Variants in ELN observed in about 807,000 individuals in gnomAD.
The protein encoded by ELN is tropoelastin.
Under a neutral mutation model 105.8 loss-of-function variants are expected in ELN, and 65 were observed. The ratio of observed to expected loss-of-function variants is 0.61; its 90% CI spans 0.50 to 0.75. ELN has a LOEUF of 0.75. Among genes scored for constraint, ELN ranks in the 30% least tolerant of loss-of-function variants. The probability of loss-of-function intolerance (pLI) is 0.00; values close to 1 mark genes in which losing one functional copy is unlikely to be tolerated. For missense variants in ELN, 882 were observed against 969.4 expected (o/e 0.91, Z 1.20); for synonymous variants, 368 against 389.2 (o/e 0.95, Z 0.64).
Position 74,046,028 on chromosome 7 carries a change from T to C in ELN, c.542-160T>C, listed in dbSNP as rs868914135. On this transcript the variant is annotated intron_variant, in intron 10 of 32. Coordinates refer to ENST00000252034, the MANE Select transcript of ELN (RefSeq NM_000501.4). ...CCAGCCTGGGCGACAAGAGCGAAAC[T>C]CCATCTCCGAAAAAAGAAACCCCAG... The C allele has an allele frequency of 6.3e-5, 61 of 973,688 alleles. 3 individuals are homozygous for C. In the Middle Eastern group the frequency reaches 0.01, roughly 163 times the overall value. 60.3% of individuals were successfully genotyped at this position (973,688 alleles called of 1,614,324 possible).
At chr7:74,054,651 G>A in intron 18 of ELN, 65 bp from the exon 19 acceptor site, 1 of 1,522,204 alleles carries the variant, frequency 6.6e-7, no homozygotes, top group Admixed American at 1.7e-5. Context: ...TAGACAGAGG[G>A]ATACATACTA....
Position 74,065,964 on chromosome 7 carries a change from G to A in ELN, c.2053G>A (p.Val685Ile), listed in dbSNP as rs781826902. The change falls in exon 31 of 33, where the codon GTC becomes ATC. Residue 685 changes from valine to isoleucine, a missense_variant. Transcript: ENST00000252034. ...AKYGAAGLGG[V>I]LGGAGQFPLG... ...CTCAGGTGCTGCTGGCCTTGGAGGT[G>A]TCCTAGGGGGTGCCGGGCAGTTCCC... 6.2e-7 allele frequency: 1 copy of A among 1,614,074 alleles called. No individual in the cohort carries two copies.
Position 74,060,418 on chromosome 7 carries a change from T to G in ELN, c.1664T>G (p.Val555Gly). Residue 555 changes from valine to glycine, a missense_variant, in exon 25 of 33, where the codon GTT becomes GGT. Coordinates refer to ENST00000252034, the MANE Select transcript of ELN (RefSeq NM_000501.4). ...GLGAGIPGLG[V>G]GVGVPGLGVG... is the part of the protein sequence containing the mutation. The stretch of plus-strand genomic sequence containing the variant: ...GGTGCTGGCATCCCTGGACTTGGAG[T>G]TGGTGTCGGCGTCCCTGGACTTGGA... 1 of 1,613,878 alleles carries G rather than the reference T, an allele frequency of 6.2e-7. No individual in the cohort carries two copies. Among genetic ancestry groups the G allele is most frequent in the East Asian group, 2.2e-5 (1 of 44,834 alleles).
At position 74,038,165 on chromosome 7, in the gene ELN, G is replaced by C. The variant is rs1211989934; in HGVS notation, c.196+426G>C. Reference sequence around the variant, plus strand: ...CAGACTTCCCCTGAGTGGTCCCCTAGCCCTTGACCCCAGACCAATACCCCA... The same window carrying C: ...CAGACTTCCCCTGAGTGGTCCCCTACCCCTTGACCCCAGACCAATACCCCA... On this transcript the variant is annotated intron_variant, in intron 4 of 32. Transcript: ENST00000252034. 4 of 310,252 alleles carry C rather than the reference G, an allele frequency of 1.3e-5. No individual in the cohort carries two copies. In the Admixed American group the frequency reaches 1.7e-4, roughly 13 times the overall value. The allele number at this position is 310,252 out of a possible 1,614,324, so 19.2% of individuals were successfully genotyped here.
At chr7:74,048,364 C>T (rs970722635) in intron 14 of ELN, 139 bp from the exon 15 acceptor site, 29 of 1,494,312 alleles carry the variant, frequency 1.9e-5, no homozygotes, top group Non-Finnish European at 2.6e-5. Flanking sequence ...GGGGCAGCTC[C>T]ATCAGCCTCT....
Position 74,037,712 on chromosome 7 carries a change from G to C in ELN, c.169G>C (p.Gly57Arg). ...ATCTTCTCTTCCCTCTGCAGCGCTG[G>C]GGCCTGGAGGCAAACCTCTTAAGCC... is the stretch of plus-strand genomic sequence containing the variant. ...GLGALGGGAL[G>R]PGGKPLKPVP... The change falls in exon 4 of 33, where the codon GGG (glycine) becomes CGG (arginine). Residue 57 changes from glycine (G) to arginine (R), a missense_variant. By Grantham distance (125) the Gly-to-Arg change is moderately radical. Coordinates refer to ENST00000252034, the MANE Select transcript of ELN (RefSeq NM_000501.4). The C allele has an allele frequency of 6.2e-7, 1 of 1,612,336 alleles. No homozygotes were observed. Among genetic ancestry groups the C allele is most frequent in the Non-Finnish European group, 8.5e-7 (1 of 1,179,340 alleles).
rs12535378 is a variant in ELN, at chr7:74,061,445, G to A, written c.1786+306G>A. Reference sequence around the variant, plus strand: ...GGTGGGCAGATCAACTGAGGTCGGGGGTTCCAGACCAGCCTGACCAATATG... The same window carrying A: ...GGTGGGCAGATCAACTGAGGTCGGGAGTTCCAGACCAGCCTGACCAATATG... On this transcript the variant is annotated intron_variant, in intron 26 of 32. Coordinates refer to ENST00000252034, the MANE Select transcript of ELN (RefSeq NM_000501.4). Among the ~76,000 whole-genome samples the A allele has an allele frequency of 0.17, 24,750 of 146,088 alleles. 2,341 individuals carry two copies. Among genetic ancestry groups the A allele is most frequent in the African/African-American group, 0.25 (9,783 of 39,746 alleles).
intron 24 of ELN, 39 bp downstream of exon 24, chr7:74,060,223 A>G (rs1554683403): frequency 6.2e-7 from 1 of 1,613,850 alleles, no homozygotes; most frequent in South Asian, 1.1e-5. Context: ...CTCCCCAACG[A>G]TCTCAGAGCT....
chr7:74,058,479 C>T (rs1320246450), intron 22 of ELN, among the ~76,000 whole-genome samples: 2 of 152,080 alleles, frequency 1.3e-5, no homozygotes, highest in Non-Finnish European at 2.9e-5. Flanking sequence ...TTCCGCCCCC[C>T]AAGAGCTGAG....
intron 9 of ELN, among the ~76,000 whole-genome samples, chr7:74,044,537 G>T (rs1385152319): frequency 6.6e-6 from 1 of 152,202 alleles, no homozygotes; most frequent in Non-Finnish European, 1.5e-5. Flanking sequence ...TTTCCCAAAA[G>T]CTGTGAGTCA....
At chr7:74,032,390 C>T (rs890495677) in intron 1 of ELN, among the ~76,000 whole-genome samples, 13 of 149,668 alleles carry the variant, frequency 8.7e-5, no homozygotes, top group Non-Finnish European at 1.3e-4. Flanking sequence ...GCAGGAGAAA[C>T]GGCTTGTGCC....
Position 74,063,138 on chromosome 7 carries a change from C to T in ELN, c.1787-15C>T. ...TTCAGAAATGGAACACTCATTTTCC[C>T]TCCTCTCCCCGCAGGAGCAGCAGTG... On this transcript the variant is annotated splice_polypyrimidine_tract_variant and intron_variant, in intron 26 of 32. Transcript: ENST00000252034. The surrounding 1 kb of genome is among the most constrained non-coding windows in gnomAD (Gnocchi z 4.1). 1 of 1,598,476 alleles carries T rather than the reference C, an allele frequency of 6.3e-7. No homozygotes were observed. Among genetic ancestry groups the T allele is most frequent in the Non-Finnish European group, 8.5e-7 (1 of 1,173,660 alleles).
chr7:74,030,243 T>C (rs985637332), intron 1 of ELN, among the ~76,000 whole-genome samples: 2 of 152,192 alleles, frequency 1.3e-5, no homozygotes, highest in African/African-American at 4.8e-5. Flanking sequence ...AGTCACATGC[T>C]CACTGCCACT....
At chr7:74,037,778 G>A (rs782208197) in intron 4 of ELN, 39 bp downstream of exon 4, 3 of 1,604,264 alleles carry the variant, frequency 1.9e-6, no homozygotes, top group Non-Finnish European at 2.6e-6. Flanking sequence ...AGACAGCGAG[G>A]GAGCTGGGGA....
At chr7:74,041,897 G>A (rs1352655179) in intron 5 of ELN, among the ~76,000 whole-genome samples, 3 of 151,960 alleles carry the variant, frequency 2.0e-5, no homozygotes, top group African/African-American at 4.8e-5. Context: ...GCACCACCAC[G>A]CTCGGCTAAT....
chr7:74,040,476 G>A (rs1315244918), intron 4 of ELN, among the ~76,000 whole-genome samples: 2 of 152,208 alleles, frequency 1.3e-5, no homozygotes, highest in Non-Finnish European at 2.9e-5. Flanking sequence ...AGCCAGGGGG[G>A]ACCTCTCCAG....
At position 74,037,727 on chromosome 7, in the gene ELN, C is replaced by T; in HGVS notation, c.184C>T (p.Pro62Ser). 1 of 1,612,344 alleles carries T rather than the reference C, an allele frequency of 6.2e-7. No individual in the cohort carries two copies. Among genetic ancestry groups the T allele is most frequent in the Non-Finnish European group, 8.5e-7 (1 of 1,179,376 alleles). Residue 62 changes from proline (P) to serine (S), a missense_variant, in exon 4 of 33, where the codon CCT becomes TCT. By Grantham distance (74) the Pro-to-Ser change is moderately conservative. Coordinates refer to ENST00000252034, the MANE Select transcript of ELN (RefSeq NM_000501.4). ...GGGALGPGGK[P>S]LKPVPGGLAG... ...TGCAGCGCTGGGGCCTGGAGGCAAA[C>T]CTCTTAAGCCAGGTAAGACCCAAGG...
At chr7:74,049,804 G>A (rs1489562244) in intron 15 of ELN, among the ~76,000 whole-genome samples, 1 of 126,948 alleles carries the variant, frequency 7.9e-6, no homozygotes, top group Non-Finnish European at 1.7e-5. Context: ...ATTCCTCCAT[G>A]CATCCATTCC....
intron 21 of ELN, chr7:74,057,370 C>G (rs1554680799): frequency 6.7e-7 from 1 of 1,489,610 alleles, no homozygotes; most frequent in Non-Finnish European, 8.9e-7. Context: ...TGAAAGTTCT[C>G]CACTCCCCGA....
Sources: allele counts gnomAD v4.1 joint callset (sites outside exome capture counted in the v4.1 genomes callset), GRCh38; gene constraint gnomAD v4.1.1; non-coding constraint Gnocchi (gnomAD v3.1); transcripts MANE v1.5; gene names NCBI Gene and HGNC (gene_info 2026-07-23, HGNC 2026-07-21).